FBN1: variants seen among roughly 807,000 people sequenced by gnomAD.
FBN1 encodes the protein fibrillin-1.
In FBN1, 29 loss-of-function variants were observed where a neutral mutation model predicts 365.1. The ratio of observed to expected loss-of-function variants is 0.08; its 90% CI spans 0.06 to 0.11. FBN1 has a LOEUF of 0.11. Among genes scored for constraint, FBN1 ranks in the 10% least tolerant of loss-of-function variants. The pLI is 1.00. For missense variants in FBN1, 2,476 were observed against 3,703.2 expected, an observed-to-expected ratio of 0.67 and a Z score of 8.60; for synonymous variants, 1,210 against 1,270.5, an observed-to-expected ratio of 0.95 and a Z score of 1.01.
In FBN1 at chr15:48,463,894, C is replaced by T. The variant is rs773660804; in HGVS notation, c.5065+5G>A. On this transcript the variant is annotated splice_donor_5th_base_variant and intron_variant, in intron 41 of 65. Transcript: ENST00000316623. ...CATGCATTACTGAGAAAAGCTTGGA[C>T]TTACCCATGCAATTATTTCCCCCAT... 3.7e-6 allele frequency: 6 copies of T among 1,609,490 alleles called. No individual in the cohort carries two copies. The highest frequency in any genetic ancestry group is 5.1e-6 in the Non-Finnish European group (6 of 1,177,718).
chr15:48,465,720 C>A, intron 39 of FBN1, 27 bp from the exon 40 acceptor site: 1 of 1,613,882 alleles, frequency 6.2e-7, no homozygotes, highest in African/African-American at 1.3e-5. Context: ...AAAGGCATTC[C>A]TTTAGCATTG....
chr15:48,418,779 A>C (rs2141218441), intron 63 of FBN1, among the ~76,000 whole-genome samples: 1 of 152,336 alleles, frequency 6.6e-6, no homozygotes, highest in South Asian at 2.1e-4. Flanking sequence ...AAGTGGATTG[A>C]AACCCACCAC....
chr15:48,594,976 A>C (rs1397381812), intron 6 of FBN1, among the ~76,000 whole-genome samples: 1 of 152,202 alleles, frequency 6.6e-6, no homozygotes, highest in Non-Finnish European at 1.5e-5. Context: ...AGCGAATAAA[A>C]ACACATCTGT....
chr15:48,610,765 T>C lies in FBN1; in HGVS notation c.309A>G (p.Pro103=). The C allele has an allele frequency of 1.9e-6, 3 of 1,614,172 alleles. No homozygotes were observed. Among genetic ancestry groups the C allele is most frequent in the Non-Finnish European group, 2.5e-6 (3 of 1,180,000 alleles). ...FCSRPNMCTC[P]SGQIAPSCGS... ...CACAGGAAGGAGCTATCTGACCAGATGGGCAAGTGCACATATTTGGCCTCG... is the reference window on the plus strand; with the variant it reads ...CACAGGAAGGAGCTATCTGACCAGACGGGCAAGTGCACATATTTGGCCTCG... The change falls in exon 4 of 66, where the codon CCA becomes CCG. Residue 103 remains proline (P), a synonymous_variant. Transcript: ENST00000316623.
At chr15:48,640,102 G>A (rs552692300) in intron 2 of FBN1, among the ~76,000 whole-genome samples, 65 of 152,128 alleles carry the variant, frequency 4.3e-4, no homozygotes, top group Non-Finnish European at 2.4e-4. Context: ...TAAGGTTGAA[G>A]GGAAGTCTGT....
At chr15:48,475,208 C>T (rs1322906270) in intron 32 of FBN1, among the ~76,000 whole-genome samples, 1 of 152,078 alleles carries the variant, frequency 6.6e-6, no homozygotes, top group African/African-American at 2.4e-5. Context: ...TAAGCATTTG[C>T]AGAAAATGTT....
At chr15:48,506,674 G>A (rs2043710480) in intron 15 of FBN1, among the ~76,000 whole-genome samples, 1 of 152,202 alleles carries the variant, frequency 6.6e-6, no homozygotes, top group Non-Finnish European at 1.5e-5. Context: ...GTTAACTGTG[G>A]AGACTGAATT....
intron 46 of FBN1, among the ~76,000 whole-genome samples, chr15:48,447,829 G>A (rs1253508795): frequency 6.6e-6 from 1 of 152,162 alleles, no homozygotes; most frequent in Non-Finnish European, 1.5e-5. Context: ...TGTGTCTGTG[G>A]TTGAAGACTA....
At chr15:48,525,548 G>A in intron 9 of FBN1, among the ~76,000 whole-genome samples, 1 of 152,118 alleles carries the variant, frequency 6.6e-6, no homozygotes, top group Non-Finnish European at 1.5e-5. Flanking sequence ...CCTTTTCTCT[G>A]TGCCCTCCGC....
intron 6 of FBN1, among the ~76,000 whole-genome samples, chr15:48,570,193 C>T (rs1158337364): frequency 6.6e-6 from 1 of 152,128 alleles, no homozygotes; most frequent in Non-Finnish European, 1.5e-5. Flanking sequence ...GGGGCAGATA[C>T]TAAACCTGTT....
intron 2 of FBN1, among the ~76,000 whole-genome samples, chr15:48,618,331 A>G (rs1434745260): frequency 6.6e-6 from 1 of 152,202 alleles, no homozygotes; most frequent in Non-Finnish European, 1.5e-5. Context: ...TTGCTCTTTG[A>G]CAATTTTCTT....
intron 6 of FBN1, among the ~76,000 whole-genome samples, chr15:48,565,387 A>G (rs1056109094): frequency 6.6e-6 from 1 of 152,204 alleles, no homozygotes; most frequent in Non-Finnish European, 1.5e-5. Flanking sequence ...ATGAAATTCA[A>G]CTATAATCCC....
At chr15:48,452,867 G>A (rs988933973) in intron 44 of FBN1, among the ~76,000 whole-genome samples, 183 bp from the exon 45 acceptor site, 5 of 152,156 alleles carry the variant, frequency 3.3e-5, no homozygotes, top group Admixed American at 3.3e-4. Context: ...TCCTTCGATA[G>A]GTGAATTAAC....
chr15:48,432,131 T>C (rs1202241759), intron 55 of FBN1, among the ~76,000 whole-genome samples: 1 of 152,206 alleles, frequency 6.6e-6, no homozygotes, highest in East Asian at 1.9e-4. Flanking sequence ...TGTACTTCTT[T>C]ATTTTTCTAT....
chr15:48,452,549 G>C lies in FBN1; in HGVS notation c.5545+13C>G. 6.2e-7 allele frequency: 1 copy of C among 1,613,916 alleles called. No individual in the cohort carries two copies. The highest frequency in any genetic ancestry group is 8.5e-7 in the Non-Finnish European group (1 of 1,179,940). On this transcript the variant is annotated intron_variant, in intron 45 of 65. Coordinates refer to ENST00000316623, the MANE Select transcript of FBN1 (RefSeq NM_000138.5). ...CTTGGGTAGGCATGTCCAGCCTGTGGGGCACTACATACCATTGCACTGTCC... is the reference window on the plus strand; with the variant it reads ...CTTGGGTAGGCATGTCCAGCCTGTGCGGCACTACATACCATTGCACTGTCC...
intron 32 of FBN1, among the ~76,000 whole-genome samples, chr15:48,477,627 G>A (rs2043431099): frequency 6.6e-6 from 1 of 152,094 alleles, no homozygotes; most frequent in Non-Finnish European, 1.5e-5. Flanking sequence ...TGAGCCATAA[G>A]GAAAACAAGC....
chr15:48,574,073 G>A (rs1229579584), intron 6 of FBN1, among the ~76,000 whole-genome samples: 1 of 152,208 alleles, frequency 6.6e-6, no homozygotes, highest in Non-Finnish European at 1.5e-5. Context: ...TGTGGCACTG[G>A]CCTAATTACC....
chr15:48,520,579 A>G, intron 10 of FBN1, 80 bp downstream of exon 10: 1 of 1,529,026 alleles, frequency 6.5e-7, no homozygotes, highest in South Asian at 1.2e-5. Context: ...AGTTTCCATT[A>G]CATCTGCATC....
intron 4 of FBN1, among the ~76,000 whole-genome samples, chr15:48,610,277 T>C (rs1199382742): frequency 6.6e-6 from 1 of 152,228 alleles, no homozygotes; most frequent in African/African-American, 2.4e-5. Flanking sequence ...GAAACTTCCA[T>C]AATGACTTCT....
Sources: gnomAD v4.1 joint callset for allele counts (sites outside exome capture counted in the v4.1 genomes callset) on GRCh38, gnomAD v4.1.1 for gene constraint, MANE v1.5 for transcripts, NCBI Gene and HGNC (gene_info 2026-07-23, HGNC 2026-07-21) for gene names.